The following LHX8 variants were observed in gnomAD, a reference collection of about 807,000 sequenced individuals.
LHX8 encodes the protein LIM homeobox 8, also known as LIM/homeobox protein Lhx8.
Under a neutral mutation model 40.3 loss-of-function variants are expected in LHX8, and 12 were observed. The observed-to-expected ratio is 0.30, with a 90% confidence interval of 0.19 to 0.48. The LOEUF is 0.48. LHX8 is among the 20% of genes least tolerant of loss of function. The pLI is 0.99. For missense variants in LHX8, 344 were observed against 433.7 expected (o/e 0.79, Z 1.84); for synonymous variants, 179 against 162.0 (o/e 1.10, Z -0.80).
At chr1:75,187,984 T>TGTAGCA in the LHX8 span, among the ~76,000 whole-genome samples, 1 of 152,126 alleles carries the variant, frequency 6.6e-6, no homozygotes, top group African/African-American at 2.4e-5. Context: ...GGTGAGCCAT[T>TGTAGCA]GTAGCAGCAC....
At chr1:75,148,037 A>C (rs1460489074) in intron 6 of LHX8, among the ~76,000 whole-genome samples, 1 of 152,190 alleles carries the variant, frequency 6.6e-6, no homozygotes, top group South Asian at 2.1e-4. Flanking sequence ...GTAAATTCTT[A>C]TTCAGTGGAC....
chr1:75,181,726 T>C, the LHX8 span, among the ~76,000 whole-genome samples: 2 of 152,324 alleles, frequency 1.3e-5, no homozygotes, highest in African/African-American at 4.8e-5. Context: ...GCAGTCCCAA[T>C]GAGATGAACC....
intron 4 of LHX8, 24 bp downstream of exon 4, chr1:75,141,130 G>A (rs776281520): frequency 6.2e-7 from 1 of 1,609,666 alleles, no homozygotes. Flanking sequence ...CTTTTTCTTA[G>A]TAGATACTTG....
chr1:75,193,644 A>G, the LHX8 span, among the ~76,000 whole-genome samples: 14,804 of 152,198 alleles, frequency 0.097, 1,068 homozygotes, highest in African/African-American at 0.19. Context: ...ATTCGTAGTA[A>G]ATAAAATCTC....
Position 75,146,708 on chromosome 1 carries a change from T to G in LHX8, c.685-1879T>G, listed in dbSNP as rs565182535. Among the ~76,000 whole-genome samples, 15 of 152,240 alleles carry G rather than the reference T, an allele frequency of 9.9e-5. No homozygotes were observed. In the South Asian group the frequency reaches 2.5e-3, roughly 25 times the overall value. Reference sequence around the variant, plus strand: ...AAATTAAAAGTACCTCTTTTTTCTTTTTGTGTGTGTGAGACTAATCATTGA... The same window carrying G: ...AAATTAAAAGTACCTCTTTTTTCTTGTTGTGTGTGTGAGACTAATCATTGA... On this transcript the variant is annotated intron_variant, in intron 6 of 8. Coordinates refer to ENST00000356261, the MANE Select transcript of LHX8 (RefSeq NM_001256114.2).
the LHX8 span, among the ~76,000 whole-genome samples, chr1:75,175,331 A>G: frequency 6.6e-6 from 1 of 152,160 alleles, no homozygotes; most frequent in Admixed American, 6.5e-5. Flanking sequence ...CCAGTAACGG[A>G]ATTGCTGGAT....
At chr1:75,132,588 T>C (rs575059393), upstream of LHX8, 4 of 152,334 alleles carry the variant, frequency 2.6e-5, no homozygotes, top group South Asian at 8.3e-4. Context: ...AAAACCTGAC[T>C]GAGAGCCGCC....
intron 3 of LHX8, among the ~76,000 whole-genome samples, chr1:75,139,909 C>T (rs1648266495): frequency 6.6e-6 from 1 of 152,192 alleles, no homozygotes; most frequent in Non-Finnish European, 1.5e-5. Flanking sequence ...AGCCATATCT[C>T]ACAGTCATTT....
upstream of LHX8, among the ~76,000 whole-genome samples, chr1:75,133,555 A>C (rs529998824): frequency 2.6e-5 from 4 of 152,356 alleles, no homozygotes; most frequent in African/African-American, 9.6e-5. Flanking sequence ...TAGCTTTTTA[A>C]ATGGAAACAA....
At chr1:75,163,530 AT>A (rs1405864728), downstream of LHX8, among the ~76,000 whole-genome samples, 1 of 152,200 alleles carries the variant, frequency 6.6e-6, no homozygotes, top group Non-Finnish European at 1.5e-5. Context: ...AGAAACTGAT[AT>A]TAGCACTATA....
chr1:75,196,191 A>T, the LHX8 span, among the ~76,000 whole-genome samples: 1 of 151,950 alleles, frequency 6.6e-6, no homozygotes, highest in African/African-American at 2.4e-5. Flanking sequence ...ATCTGTTAGC[A>T]TGCATTTGTG....
downstream of LHX8, among the ~76,000 whole-genome samples, chr1:75,164,539 C>A (rs1648992157): frequency 6.6e-6 from 1 of 152,044 alleles, no homozygotes; most frequent in Non-Finnish European, 1.5e-5. Flanking sequence ...CATTGATTTC[C>A]CACCAAATGT....
At chr1:75,137,946 G>A (rs952617962) in intron 3 of LHX8, among the ~76,000 whole-genome samples, 3 of 152,212 alleles carry the variant, frequency 2.0e-5, no homozygotes, top group African/African-American at 7.2e-5. Flanking sequence ...ACTCAATGCT[G>A]TTGTTACATC....
intron 7 of LHX8, among the ~76,000 whole-genome samples, chr1:75,154,579 C>G (rs185742148): frequency 2.0e-5 from 3 of 152,048 alleles, no homozygotes; most frequent in African/African-American, 4.8e-5. Flanking sequence ...GGAAAAAGGC[C>G]GGTGGCAGTG....
chr1:75,165,919 A>G (rs1192771864), downstream of LHX8, among the ~76,000 whole-genome samples: 2 of 152,206 alleles, frequency 1.3e-5, no homozygotes, highest in African/African-American at 4.8e-5. Flanking sequence ...TCTGACACCA[A>G]TTAACTGTAT....
At chr1:75,128,527 C>T (rs1298187511) in exon 1 of LHX8, 2 of 152,036 alleles carry the variant, frequency 1.3e-5, no homozygotes, top group Admixed American at 6.6e-5. Flanking sequence ...CTGAACTCAC[C>T]CTAAAGAGGA....
chr1:75,171,109 G>A, the LHX8 span, among the ~76,000 whole-genome samples: 1 of 152,226 alleles, frequency 6.6e-6, no homozygotes, highest in South Asian at 2.1e-4. Context: ...CCAACTTAAG[G>A]CACGCTCAGA....
At chr1:75,184,899 CA>C in the LHX8 span, among the ~76,000 whole-genome samples, 2 of 145,952 alleles carry the variant, frequency 1.4e-5, no homozygotes, top group African/African-American at 5.0e-5. Flanking sequence ...CAAATAAAAA[CA>C]ATTAGAAATG....
intron 7 of LHX8, 101 bp from the exon 8 acceptor site, chr1:75,156,792 G>GTA: frequency 1.0e-6 from 1 of 999,026 alleles, no homozygotes; most frequent in East Asian, 2.4e-5. Flanking sequence ...TGCTTGTGTG[G>GTA]TAGTGTGATT....
Sources: allele counts gnomAD v4.1 joint callset (sites outside exome capture counted in the v4.1 genomes callset), GRCh38; gene constraint gnomAD v4.1.1; transcripts MANE v1.5; gene names NCBI Gene and HGNC (gene_info 2026-07-23, HGNC 2026-07-21).